Variants in VRK2 observed in about 807,000 individuals in gnomAD.
VRK2 encodes the protein VRK serine/threonine kinase 2.
In VRK2, 60 loss-of-function variants were observed where a neutral mutation model predicts 57.6. The ratio of observed to expected loss-of-function variants is 1.04; its 90% CI spans 0.85 to 1.29. The LOEUF (loss-of-function observed/expected upper bound fraction) is 1.29. Ranked by LOEUF, VRK2 falls within the 50% of genes most tolerant of loss-of-function variation. The pLI is 0.00. For synonymous variants in VRK2, 231 were observed against 199.2 expected, an observed-to-expected ratio of 1.16 and a Z score of -1.35; for missense variants, 705 against 588.1, an observed-to-expected ratio of 1.20 and a Z score of -2.06.
intron 1 of VRK2, among the ~76,000 whole-genome samples, chr2:57,996,974 A>C (rs1016655202): frequency 6.6e-6 from 1 of 152,096 alleles, no homozygotes; most frequent in African/African-American, 2.4e-5. Flanking sequence ...TAGAATGAGT[A>C]AAAAGCTAGG....
chr2:58,158,443 ACT>A (rs1684354152), intron 12 of VRK2, among the ~76,000 whole-genome samples: 2 of 152,030 alleles, frequency 1.3e-5, no homozygotes, highest in Non-Finnish European at 2.9e-5. Flanking sequence ...CACTTCCAAA[ACT>A]CTGTATCTAG....
intron 12 of VRK2, chr2:58,154,690 G>A (rs955471319): frequency 5.6e-6 from 4 of 714,256 alleles, no homozygotes; most frequent in South Asian, 3.0e-5. Context: ...AAAGCATTTG[G>A]AGATTTTCCT....
intron 1 of VRK2, among the ~76,000 whole-genome samples, chr2:57,950,087 T>C (rs536028068): frequency 2.0e-5 from 3 of 152,346 alleles, no homozygotes; most frequent in African/African-American, 7.2e-5. Context: ...AGAAGCCATC[T>C]CTATAACATA....
chr2:57,969,308 G>GT (rs1486322868), intron 1 of VRK2, among the ~76,000 whole-genome samples: 6 of 151,204 alleles, frequency 4.0e-5, no homozygotes, highest in Non-Finnish European at 5.9e-5. Flanking sequence ...AAGAAATCAA[G>GT]TTTTTTTTTG....
chr2:57,992,992 G>A (rs577926492), intron 1 of VRK2, among the ~76,000 whole-genome samples: 8 of 152,160 alleles, frequency 5.3e-5, no homozygotes, highest in Admixed American at 3.3e-4. Flanking sequence ...TTAGTACCTC[G>A]GTTTCCATGC....
At chr2:58,076,937 T>G (rs1363124548) in intron 2 of VRK2, among the ~76,000 whole-genome samples, 5 of 152,044 alleles carry the variant, frequency 3.3e-5, no homozygotes, top group Non-Finnish European at 7.4e-5. Flanking sequence ...GGTGATATAT[T>G]ATAAAATAGC....
At chr2:58,004,794 A>C (rs1673194276) in intron 1 of VRK2, among the ~76,000 whole-genome samples, 1 of 152,166 alleles carries the variant, frequency 6.6e-6, no homozygotes, top group Non-Finnish European at 1.5e-5. Context: ...AAATAGGATA[A>C]ATGTATTGTT....
chr2:58,051,296 T>G (rs1311272028), intron 2 of VRK2, among the ~76,000 whole-genome samples: 1 of 152,184 alleles, frequency 6.6e-6, no homozygotes, highest in Admixed American at 6.5e-5. Flanking sequence ...GAGGAAGGAC[T>G]TTAAAGAAAT....
At chr2:58,047,602 G>T in intron 1 of VRK2, 1 of 341,314 alleles carries the variant, frequency 2.9e-6, no homozygotes, top group Non-Finnish European at 4.1e-6. Context: ...GAGACTTTAA[G>T]TTTTAAATCA....
intron 12 of VRK2, chr2:58,154,929 G>T: frequency 2.0e-6 from 1 of 503,150 alleles, no homozygotes; most frequent in Non-Finnish European, 3.6e-6. Context: ...ACCTTATTTA[G>T]AAATGTGTTA....
chr2:57,945,589 T>C lies in VRK2; in HGVS notation c.-439+37750T>C, dbSNP rs377153222. On this transcript the variant is annotated intron_variant, in intron 1 of 15. Transcript: ENST00000417641. ...CTTTCCTATAACCTAGTCCTCTTCA[T>C]GGTTTCAAAATAAATGAATATTTAA... Among the ~76,000 whole-genome samples the C allele has an allele frequency of 9.8e-5, 15 of 152,318 alleles. No individual in the cohort carries two copies. In the South Asian group the frequency reaches 2.1e-3, roughly 21 times the overall value.
chr2:58,099,454 C>A (rs936544372), intron 7 of VRK2, among the ~76,000 whole-genome samples: 2 of 151,992 alleles, frequency 1.3e-5, no homozygotes, highest in African/African-American at 4.8e-5. Context: ...TTTTATATTC[C>A]TCGCAGCATG....
intron 1 of VRK2, among the ~76,000 whole-genome samples, chr2:57,958,106 C>A (rs1197649678): frequency 6.6e-6 from 1 of 152,006 alleles, no homozygotes; most frequent in Non-Finnish European, 1.5e-5. Flanking sequence ...GCCCTCTACC[C>A]CCATGTATTA....
intron 1 of VRK2, among the ~76,000 whole-genome samples, chr2:57,983,348 A>T (rs1672491318): frequency 6.6e-6 from 1 of 152,156 alleles, no homozygotes; most frequent in Non-Finnish European, 1.5e-5. Context: ...GACTCATTTG[A>T]TTAGATTGGG....
chr2:58,048,598 T>C (rs1199095160), intron 1 of VRK2: 5 of 1,459,394 alleles, frequency 3.4e-6, no homozygotes, highest in African/African-American at 2.8e-5. Context: ...GTTAGTTTGC[T>C]TCTGTTTTTT....
At position 58,121,963 on chromosome 2, in the gene VRK2, C is replaced by A. The variant is rs1478916505; in HGVS notation, c.544-1138C>A. On this transcript the variant is annotated intron_variant, in intron 7 of 12. Coordinates refer to ENST00000340157, the MANE Select transcript of VRK2 (RefSeq NM_006296.7). ...GTCTGTAAAACTACTTCTCCCCCTT[C>A]CTTTTCTCTCCAAAAGTAATCTGAG... Among the ~76,000 whole-genome samples, 4 of 152,296 alleles carry A rather than the reference C, an allele frequency of 2.6e-5. No homozygotes were observed. In the East Asian group the frequency reaches 7.7e-4, roughly 29 times the overall value.
At chr2:57,934,090 AT>A (rs1157671008) in intron 1 of VRK2, among the ~76,000 whole-genome samples, 1 of 152,190 alleles carries the variant, frequency 6.6e-6, no homozygotes, top group Non-Finnish European at 1.5e-5. Flanking sequence ...TATATCATGT[AT>A]CTGTTAACAA....
At chr2:58,134,540 A>G (rs941237643) in intron 9 of VRK2, among the ~76,000 whole-genome samples, 1 of 148,678 alleles carries the variant, frequency 6.7e-6, no homozygotes, top group East Asian at 2.0e-4. Context: ...GAACCCGGGA[A>G]GCGGAGCTTG....
At chr2:57,913,807 TA>T (rs895732094) in intron 1 of VRK2, among the ~76,000 whole-genome samples, 1 of 152,090 alleles carries the variant, frequency 6.6e-6, no homozygotes, top group African/African-American at 2.4e-5. Flanking sequence ...CTGTAGCATT[TA>T]AAAAAATACT....
Sources: gnomAD v4.1 joint callset for allele counts (sites outside exome capture counted in the v4.1 genomes callset) on GRCh38, gnomAD v4.1.1 for gene constraint, MANE v1.5 for transcripts, NCBI Gene and HGNC (gene_info 2026-07-23, HGNC 2026-07-21) for gene names.